The following POLQ variants were observed in gnomAD, a reference collection of about 807,000 sequenced individuals.
The protein encoded by POLQ is epididymis secretory sperm binding protein.
In POLQ, 233 loss-of-function variants were observed where a neutral mutation model predicts 259.2. The observed-to-expected ratio is 0.90, with a 90% CI of 0.81 to 1.00. The LOEUF is 1.00. POLQ is among the 50% of genes least tolerant of loss of function. The pLI is 0.00. For synonymous variants in POLQ, 1,025 were observed against 1,048.8 expected (o/e 0.98, Z 0.44); for missense variants, 2,871 against 3,051.6 (o/e 0.94, Z 1.39).
chr3:121,490,063 C>A lies in POLQ; in HGVS notation c.2868G>T (p.Val956=). The A allele has an allele frequency of 6.3e-7, 1 of 1,577,876 alleles. No individual in the cohort carries two copies. Among genetic ancestry groups the A allele is most frequent in the Non-Finnish European group, 8.6e-7 (1 of 1,164,400 alleles). Reference sequence around the variant, plus strand: ...GCTCTCTACTTTTATTTAAGTCTTGCACTATATTTGGTGAATGCTTAATAT... The same window carrying A: ...GCTCTCTACTTTTATTTAAGTCTTGAACTATATTTGGTGAATGCTTAATAT... ...DSYIKHSPNI[V]QDLNKSREHT... The change falls in exon 16 of 30, where the codon GTG becomes GTT. Residue 956 remains valine (V), a synonymous_variant. Transcript: ENST00000264233.
intron 7 of POLQ, among the ~76,000 whole-genome samples, chr3:121,522,412 C>T (rs530323276): frequency 4.9e-4 from 72 of 145,678 alleles, no homozygotes; most frequent in African/African-American, 1.8e-3. Flanking sequence ...CCCGGGTTCA[C>T]GCCATTCTCC....
At chr3:121,486,069 G>A (rs964955513) in intron 16 of POLQ, among the ~76,000 whole-genome samples, 2 of 152,104 alleles carry the variant, frequency 1.3e-5, no homozygotes, top group East Asian at 1.9e-4. Flanking sequence ...CTCAAAACCT[G>A]GAAGAGCTCT....
intron 9 of POLQ, 72 bp from the exon 10 acceptor site, chr3:121,512,101 G>A (rs2048260108): frequency 7.4e-6 from 10 of 1,349,628 alleles, no homozygotes; most frequent in Non-Finnish European, 1.0e-5. Flanking sequence ...GAGATTTTAA[G>A]TTGCCTTACT....
rs2047779183 is a variant in POLQ, at chr3:121,460,088, C to G, written c.7114G>C (p.Glu2372Gln). 1.2e-6 allele frequency: 2 copies of G among 1,614,028 alleles called. No individual in the cohort carries two copies. Among genetic ancestry groups the G allele is most frequent in the Non-Finnish European group, 1.7e-6 (2 of 1,179,990 alleles). ...TGCCTCAGATCATCCCCAACAGACT[C>G]TGGCTCAATCATCTTCCACTCTGCT... ...IAAEWKMIEP[E>Q]SVGDDLRQQA... The change falls in exon 25 of 30, where the codon GAG (glutamate) becomes CAG (glutamine). Residue 2372 changes from glutamate (E) to glutamine (Q), a missense_variant. By Grantham distance (29) the Glu-to-Gln change is conservative. Coordinates refer to ENST00000264233, the MANE Select transcript of POLQ (RefSeq NM_199420.4).
intron 25 of POLQ, among the ~76,000 whole-genome samples, chr3:121,459,197 A>T (rs1379944907): frequency 6.6e-6 from 1 of 152,104 alleles, no homozygotes; most frequent in Non-Finnish European, 1.5e-5. Flanking sequence ...CTAACCAATA[A>T]CTTCAACGGC....
chr3:121,493,840 A>C (rs2048091990), intron 14 of POLQ, 119 bp from the exon 15 acceptor site: 1 of 865,042 alleles, frequency 1.2e-6, no homozygotes, highest in Admixed American at 2.8e-5. Flanking sequence ...AGATTTAACA[A>C]GGCCCAAGGT....
chr3:121,506,279 C>CAAAACAAAACA (rs111885038), intron 12 of POLQ, among the ~76,000 whole-genome samples: 1 of 150,214 alleles, frequency 6.7e-6, no homozygotes, highest in East Asian at 2.0e-4. Context: ...AAAAACAAAA[C>CAAAACAAAACA]AAAACAAAAA....
chr3:121,542,637 T>A (rs2048498848), intron 2 of POLQ, among the ~76,000 whole-genome samples: 1 of 152,128 alleles, frequency 6.6e-6, no homozygotes, highest in Non-Finnish European at 1.5e-5. Flanking sequence ...TGATGAGTTT[T>A]ATGAAAAGGA....
rs746354166 is a variant in POLQ at position 121,544,851 on chromosome 3, G to A, written c.219C>T (p.Asn73=). Residue 73 remains asparagine, a synonymous_variant, in exon 2 of 30, where the codon AAC becomes AAT. Transcript: ENST00000264233. ...CCAGAACTGCTTTAGGAAGTCCCCAGTTTGCCAATAGTAGCTTGTCTCTTT... is the reference window on the plus strand; with the variant it reads ...CCAGAACTGCTTTAGGAAGTCCCCAATTTGCCAATAGTAGCTTGTCTCTTT... ...DYERDKLLLA[N]WGLPKAVLEK... 5.6e-6 allele frequency: 9 copies of A among 1,611,570 alleles called. No homozygotes were observed. Among genetic ancestry groups the A allele is most frequent in the Admixed American group, 1.7e-5 (1 of 59,994 alleles).
At chr3:121,469,079 T>TTAGGA (rs1429735600) in intron 22 of POLQ, among the ~76,000 whole-genome samples, 3 of 151,800 alleles carry the variant, frequency 2.0e-5, no homozygotes. Flanking sequence ...CCTCAGCTAC[T>TTAGGA]TAGGAGGCTG....
At chr3:121,449,498 C>A (rs978882663) in intron 25 of POLQ, 72 bp from the exon 26 acceptor site, 3 of 807,054 alleles carry the variant, frequency 3.7e-6, no homozygotes, top group Non-Finnish European at 6.4e-6. Flanking sequence ...CATTAGGATG[C>A]GAATTTCGGC....
intron 9 of POLQ, among the ~76,000 whole-genome samples, chr3:121,517,712 G>C (rs2048307972): frequency 6.6e-6 from 1 of 152,186 alleles, no homozygotes; most frequent in Non-Finnish European, 1.5e-5. Context: ...ATGCAGATGT[G>C]ATGACAGAGA....
intron 26 of POLQ, among the ~76,000 whole-genome samples, chr3:121,442,401 A>T (rs2047600724): frequency 6.6e-6 from 1 of 152,140 alleles, no homozygotes; most frequent in African/African-American, 2.4e-5. Flanking sequence ...AGTCATTCTA[A>T]CTATTTCTTT....
At chr3:121,532,328 T>G (rs1452415852) in intron 6 of POLQ, among the ~76,000 whole-genome samples, 2 of 152,168 alleles carry the variant, frequency 1.3e-5, no homozygotes, top group Admixed American at 1.3e-4. Context: ...AACAAAAAAG[T>G]TAATCTTGCA....
At chr3:121,472,196 C>A (rs189541507) in intron 21 of POLQ, 32 bp from the exon 22 acceptor site, 2 of 1,092,034 alleles carry the variant, frequency 1.8e-6, no homozygotes, top group Non-Finnish European at 1.3e-6. Flanking sequence ...AGATTGAATT[C>A]TTGTCCAAAT....
intron 25 of POLQ, among the ~76,000 whole-genome samples, chr3:121,455,639 A>C (rs1220600308): frequency 6.6e-6 from 1 of 152,234 alleles, no homozygotes; most frequent in East Asian, 1.9e-4. Context: ...TCTAGAAAAA[A>C]TGGATAAATT....
intron 9 of POLQ, among the ~76,000 whole-genome samples, chr3:121,517,680 T>A (rs2048307803): frequency 1.3e-5 from 2 of 152,208 alleles, no homozygotes; most frequent in African/African-American, 4.8e-5. Context: ...TGCTTCCTCA[T>A]CTTCCCTTCC....
intron 15 of POLQ, 98 bp downstream of exon 15, chr3:121,493,380 A>G (rs2048087073): frequency 1.1e-6 from 1 of 887,826 alleles, no homozygotes; most frequent in Non-Finnish European, 1.7e-6. Context: ...TAATAAGATT[A>G]TTTAAGAGAA....
rs2047492156 is a variant in POLQ, at chr3:121,431,546, GA to G, written c.*757del. The G allele has an allele frequency of 6.6e-6, 1 of 152,392 alleles. No individual in the cohort carries two copies. The highest frequency in any genetic ancestry group is 2.4e-5 in the African/African-American group (1 of 41,416). 9.4% of individuals were successfully genotyped at this position (152,392 alleles called of 1,614,324 possible). On this transcript the variant is annotated 3_prime_UTR_variant, in exon 30 of 30. Transcript: ENST00000264233. ...TTTCTCACCATGCCACAAACAGAAA[GA>G]GGCACTAAGGGACTGATAAGGGGGT...
Sources: allele counts gnomAD v4.1 joint callset (sites outside exome capture counted in the v4.1 genomes callset), GRCh38; gene constraint gnomAD v4.1.1; transcripts MANE v1.5; gene names NCBI Gene and HGNC (gene_info 2026-07-23, HGNC 2026-07-21).